QRFPR: variants seen among roughly 807,000 people sequenced by gnomAD.
The protein encoded by QRFPR is pyroglutamylated RFamide peptide receptor, also known as pyroglutamylated RF-amide peptide receptor.
In QRFPR, 37 loss-of-function variants were observed where a neutral mutation model predicts 31.3. The observed-to-expected ratio is 1.18, with a 90% confidence interval of 0.91 to 1.56. The LOEUF (loss-of-function observed/expected upper bound fraction) is 1.56. Ranked by LOEUF, QRFPR falls within the 40% of genes most tolerant of loss-of-function variation. The pLI, the probability that QRFPR is intolerant of heterozygous loss-of-function variation, is 0.00. For synonymous variants in QRFPR, 197 were observed against 192.0 expected, an observed-to-expected ratio of 1.03 and a Z score of -0.22; for missense variants, 542 against 532.5, an observed-to-expected ratio of 1.02 and a Z score of -0.18.
intron 1 of QRFPR, among the ~76,000 whole-genome samples, chr4:121,348,288 G>C (rs1725695779): frequency 6.6e-6 from 1 of 152,120 alleles, no homozygotes. Flanking sequence ...ACTGTGTTTA[G>C]GCCAATGTCT....
At chr4:121,356,607 A>C (rs1256528193) in intron 1 of QRFPR, among the ~76,000 whole-genome samples, 2 of 152,192 alleles carry the variant, frequency 1.3e-5, no homozygotes, top group Non-Finnish European at 2.9e-5. Flanking sequence ...GCCTGTGGTC[A>C]CTGCAGTCTT....
intron 1 of QRFPR, among the ~76,000 whole-genome samples, chr4:121,375,172 C>T (rs184026081): frequency 5.3e-5 from 8 of 152,246 alleles, no homozygotes; most frequent in African/African-American, 1.9e-4. Flanking sequence ...ATTAACATTC[C>T]TATGCCTTAA....
At chr4:121,363,468 T>C (rs940560936) in intron 1 of QRFPR, among the ~76,000 whole-genome samples, 1 of 150,188 alleles carries the variant, frequency 6.7e-6, no homozygotes, top group African/African-American at 2.5e-5. Context: ...CCATCATTGC[T>C]ACAAAATAGC....
At chr4:121,334,154 C>T (rs1725389808) in intron 3 of QRFPR, among the ~76,000 whole-genome samples, 1 of 152,188 alleles carries the variant, frequency 6.6e-6, no homozygotes, top group African/African-American at 2.4e-5. Context: ...GGGGTATGGA[C>T]TGACACATCT....
rs1240384205 is a variant in QRFPR, at chr4:121,366,382, G to A, written c.340+13926C>T. Among the ~76,000 whole-genome samples the A allele has an allele frequency of 2.0e-5, 3 of 149,860 alleles. 1 individual carries two copies. The highest frequency in any genetic ancestry group is 4.4e-5 in the Non-Finnish European group (3 of 67,554). ...GGAGGAATCTGTTTCCCTATTCTTT[G>A]AATCTGGGCCAGTGATGTGACTTGC... is the stretch of plus-strand genomic sequence containing the variant. On this transcript the variant is annotated intron_variant, in intron 1 of 5. Transcript: ENST00000394427.
At position 121,365,563 on chromosome 4, in the gene QRFPR, T is replaced by TA. The variant is rs1560743765; in HGVS notation, c.340+14744dup. Among the ~76,000 whole-genome samples the TA allele has an allele frequency of 5.6e-3, 95 of 17,098 alleles. 11 individuals are homozygous for TA. The highest frequency in any genetic ancestry group is 0.036 in the African/African-American group (88 of 2,446). 11.2% of individuals were successfully genotyped at this position (17,098 alleles called of 152,430 possible). ...TATATTATATATAATATATAATATA[T>TA]ATTATATATAATATATATTATATAT... On this transcript the variant is annotated intron_variant, in intron 1 of 5. Coordinates refer to ENST00000394427, the MANE Select transcript of QRFPR (RefSeq NM_198179.3).
intron 1 of QRFPR, among the ~76,000 whole-genome samples, chr4:121,367,813 G>A (rs1726156178): frequency 6.7e-6 from 1 of 149,530 alleles, no homozygotes; most frequent in African/African-American, 2.5e-5. Flanking sequence ...TTACATATTA[G>A]GACACCAAAG....
At chr4:121,372,158 T>C (rs1264170907) in intron 1 of QRFPR, among the ~76,000 whole-genome samples, 2 of 152,096 alleles carry the variant, frequency 1.3e-5, no homozygotes, top group African/African-American at 2.4e-5. Flanking sequence ...AGAAGGTCAG[T>C]CTCCCACAAG....
chr4:121,343,945 C>A (rs895577796), intron 1 of QRFPR, among the ~76,000 whole-genome samples: 1 of 152,106 alleles, frequency 6.6e-6, no homozygotes, highest in Non-Finnish European at 1.5e-5. Context: ...CCACTCTGAG[C>A]CTCAATTTCA....
At position 121,340,529 on chromosome 4, in the gene QRFPR, A is replaced by G; in HGVS notation, c.422T>C (p.Val141Ala). Reference protein sequence around the residue: ...TEILTMTCIAVERHQGLVHPF... With the variant: ...TEILTMTCIAAERHQGLVHPF... ...ATGCACAAGTCCCTGGTGCCTTTCC[A>G]CAGCAATGCAGGTCATAGTGAGGAT... Residue 141 changes from valine (V) to alanine (A), a missense_variant, in exon 2 of 6, where the codon GTG becomes GCG. By Grantham distance (64) the Val-to-Ala change is moderately conservative (BLOSUM62 0). Coordinates refer to ENST00000394427, the MANE Select transcript of QRFPR (RefSeq NM_198179.3). 7 of 1,614,082 alleles carry G rather than the reference A, an allele frequency of 4.3e-6. No individual in the cohort carries two copies. Among genetic ancestry groups the G allele is most frequent in the Non-Finnish European group, 5.1e-6 (6 of 1,179,960 alleles).
intron 1 of QRFPR, among the ~76,000 whole-genome samples, chr4:121,343,690 C>A (rs964914890): frequency 6.6e-6 from 1 of 151,996 alleles, no homozygotes; most frequent in Non-Finnish European, 1.5e-5. Flanking sequence ...TTAATCAGAA[C>A]TTTTTCTATT....
Position 121,378,604 on chromosome 4 carries a change from T to C in QRFPR, c.340+1704A>G, listed in dbSNP as rs547285206. 7.2e-5 allele frequency among the ~76,000 whole-genome samples: 11 copies of C among 152,118 alleles called. 1 individual carries two copies. The South Asian group carries it at 2.3e-3, about 32-fold the overall frequency. ...AATTTTTTGTTGTTGTTTGTATTTT[T>C]AGTAGAGACGGGGTTTCACCGTGTT... On this transcript the variant is annotated intron_variant, in intron 1 of 5. Transcript: ENST00000394427.
intron 1 of QRFPR, among the ~76,000 whole-genome samples, chr4:121,346,296 G>T (rs1005946790): frequency 3.9e-5 from 6 of 152,172 alleles, no homozygotes; most frequent in African/African-American, 1.2e-4. Context: ...AGACCTGGGG[G>T]TGGAGCTCTA....
At position 121,365,754 on chromosome 4, in the gene QRFPR, G is replaced by A. The variant is rs1190479723; in HGVS notation, c.340+14554C>T. On this transcript the variant is annotated intron_variant, in intron 1 of 5. Coordinates refer to ENST00000394427, the MANE Select transcript of QRFPR (RefSeq NM_198179.3). ...AGGTTCATATTGACACTTAGATTTTGATCCAGTAAAATTCATCGTAATAAG... is the reference window on the plus strand; with the variant it reads ...AGGTTCATATTGACACTTAGATTTTAATCCAGTAAAATTCATCGTAATAAG... Among the ~76,000 whole-genome samples the A allele has an allele frequency of 2.0e-4, 25 of 123,710 alleles. 1 individual carries two copies. Among genetic ancestry groups the A allele is most frequent in the African/African-American group, 8.1e-4 (25 of 30,764 alleles). The allele number at this position is 123,710 out of a possible 152,430, so 81.2% of individuals were successfully genotyped here. A position where few individuals can be genotyped will look rare whatever the true frequency, so the allele number is the denominator to read the frequency against.
chr4:121,365,621 T>TATATAATATATTATATATATTA (rs1362312749), intron 1 of QRFPR, among the ~76,000 whole-genome samples: 1 of 22,298 alleles, frequency 4.5e-5, no homozygotes. Context: ...ATTATATATA[T>TATATAATATATTATATATATTA]TATATATTAT....
At chr4:121,344,311 T>C (rs1386482216) in intron 1 of QRFPR, among the ~76,000 whole-genome samples, 1 of 152,222 alleles carries the variant, frequency 6.6e-6, no homozygotes, top group Non-Finnish European at 1.5e-5. Context: ...CTTATCTTAC[T>C]GTGCCCATGC....
At chr4:121,361,150 T>G (rs1376368158) in intron 1 of QRFPR, among the ~76,000 whole-genome samples, 1 of 133,596 alleles carries the variant, frequency 7.5e-6, no homozygotes, top group Non-Finnish European at 1.6e-5. Context: ...TCAATTTCCC[T>G]AATTATAATT....
intron 1 of QRFPR, among the ~76,000 whole-genome samples, chr4:121,365,588 TATTATA>T (rs1560743920): frequency 0.19 from 613 of 3,146 alleles, 68 homozygotes; most frequent in Non-Finnish European, 0.21. Flanking sequence ...ATATTATATA[TATTATA>T]TATATATAAT....
intron 1 of QRFPR, among the ~76,000 whole-genome samples, chr4:121,358,856 C>T (rs115524667): frequency 2.2e-4 from 33 of 152,264 alleles, no homozygotes; most frequent in African/African-American, 7.2e-4. Flanking sequence ...TTACCATGTG[C>T]TAGGTACTGA....
Sources: gnomAD v4.1 joint callset for allele counts (sites outside exome capture counted in the v4.1 genomes callset) on GRCh38, gnomAD v4.1.1 for gene constraint, MANE v1.5 for transcripts, NCBI Gene and HGNC (gene_info 2026-07-23, HGNC 2026-07-21) for gene names.